KIAA0319: variants seen among roughly 807,000 people sequenced by gnomAD.
KIAA0319 encodes dyslexia-associated protein KIAA0319.
In KIAA0319, 83 loss-of-function variants were observed where a neutral mutation model predicts 108.4. The ratio of observed to expected loss-of-function variants is 0.77; its 90% CI spans 0.64 to 0.92. The LOEUF (loss-of-function observed/expected upper bound fraction) is 0.92. KIAA0319 is among the 40% of genes least tolerant of loss of function. The pLI, the probability that KIAA0319 is intolerant of heterozygous loss-of-function variation, is 0.00. For synonymous variants in KIAA0319, 484 were observed against 510.4 expected (o/e 0.95, Z 0.70); for missense variants, 1,195 against 1,322.4 (o/e 0.90, Z 1.49).
chr6:24,543,360 G>A (rs1323363983), downstream of KIAA0319, among the ~76,000 whole-genome samples: 1 of 152,236 alleles, frequency 6.6e-6, no homozygotes, highest in African/African-American at 2.4e-5. Context: ...TGGTTTCACA[G>A]ATGTGCACAC....
chr6:24,575,152 A>T (rs1054226994), intron 10 of KIAA0319, among the ~76,000 whole-genome samples: 2 of 152,234 alleles, frequency 1.3e-5, no homozygotes, highest in Non-Finnish European at 2.9e-5. Context: ...TCCTTTGGAC[A>T]TCTTAATCAA....
At chr6:24,565,483 G>A (rs952044222) in intron 14 of KIAA0319, among the ~76,000 whole-genome samples, 10 of 151,934 alleles carry the variant, frequency 6.6e-5, no homozygotes, top group African/African-American at 1.5e-4. Flanking sequence ...GGCTGGGCGC[G>A]GTGGCTCACG....
Position 24,576,563 on chromosome 6 carries a change from G to C in KIAA0319, c.1539C>G (p.Asn513Lys), listed in dbSNP as rs1243462387. 1.2e-6 allele frequency: 2 copies of C among 1,614,126 alleles called. No homozygotes were observed. The highest frequency in any genetic ancestry group is 8.5e-7 in the Non-Finnish European group (1 of 1,179,986). ...LTVTDSDGAT[N>K]STTAALIVNN... Reference sequence around the variant, plus strand: ...TCACTATTAGGGCTGCAGTTGTAGAGTTAGTGGCTCCGTCCGAGTCTGTAA... The same window carrying C: ...TCACTATTAGGGCTGCAGTTGTAGACTTAGTGGCTCCGTCCGAGTCTGTAA... The change falls in exon 10 of 21, where the codon AAC (asparagine) becomes AAG (lysine). Residue 513 changes from asparagine (N) to lysine (K), a missense_variant. Coordinates refer to ENST00000378214, the MANE Select transcript of KIAA0319 (RefSeq NM_014809.4).
At chr6:24,642,460 G>C (rs4518486) in intron 1 of KIAA0319, among the ~76,000 whole-genome samples, 2,564 of 152,260 alleles carry the variant, frequency 0.017, 68 homozygotes, top group African/African-American at 0.056. Flanking sequence ...TAGAATAACA[G>C]AACAGGATTG....
In KIAA0319 at chr6:24,633,600, T is replaced by TA. The variant is rs1017558365; in HGVS notation, c.-106+12135dup. ...CATAGTGAGATGCTATTTCTATATTTAAAAAAAAAAATTAGAAGAATGAAT... is the reference window on the plus strand; with the variant it reads ...CATAGTGAGATGCTATTTCTATATTTAAAAAAAAAAAATTAGAAGAATGAAT... On this transcript the variant is annotated intron_variant, in intron 1 of 20. Coordinates refer to ENST00000378214, the MANE Select transcript of KIAA0319 (RefSeq NM_014809.4). Among the ~76,000 whole-genome samples the TA allele has an allele frequency of 1.1e-3, 164 of 147,574 alleles. 1 individual carries two copies. The highest frequency in any genetic ancestry group is 7.7e-3 in the Admixed American group (114 of 14,776).
Position 24,600,646 on chromosome 6 carries a change from T to C in KIAA0319, c.55+403A>G, listed in dbSNP as rs756578611. 53 of 1,534,620 alleles carry C rather than the reference T, an allele frequency of 3.5e-5. No individual in the cohort carries two copies. The African/African-American group carries it at 6.6e-4, about 19-fold the overall frequency. ...GGGCTCGGCCAGCCCAGTCTAGTCA[T>C]GGGTCTTCTTAAATGATGCTCACCA... On this transcript the variant is annotated intron_variant, in intron 2 of 20. Coordinates refer to ENST00000378214, the MANE Select transcript of KIAA0319 (RefSeq NM_014809.4).
chr6:24,606,725 C>T (rs555122856), intron 1 of KIAA0319, among the ~76,000 whole-genome samples: 2 of 152,338 alleles, frequency 1.3e-5, no homozygotes, highest in East Asian at 3.9e-4. Flanking sequence ...CCAACCTCCC[C>T]TCACCCTTTG....
At chr6:24,572,506 A>C in intron 11 of KIAA0319, 69 bp downstream of exon 11, 1 of 1,559,600 alleles carries the variant, frequency 6.4e-7, no homozygotes. Flanking sequence ...TGGCATCTCC[A>C]AACCCCAGAA....
intron 4 of KIAA0319, among the ~76,000 whole-genome samples, chr6:24,588,138 C>T (rs552596650): frequency 2.0e-5 from 3 of 152,344 alleles, no homozygotes; most frequent in South Asian, 4.1e-4. Context: ...ATGGGAAGCA[C>T]TGAGCATATT....
At position 24,563,427 on chromosome 6, in the gene KIAA0319, C is replaced by T; in HGVS notation, c.2523G>A (p.Leu841=). ...AGTCCAGCACGTTCAGCAGCACAGCCAGCTGCCTCACAAGGGTGTCCTTCC... is the reference window on the plus strand; with the variant it reads ...AGTCCAGCACGTTCAGCAGCACAGCTAGCTGCCTCACAAGGGTGTCCTTCC... ...EQRKDTLVRQ[L]AVLLNVLDSD... The change falls in exon 16 of 21, where the codon CTG becomes CTA. Residue 841 remains leucine, a synonymous_variant. Transcript: ENST00000378214. 6.2e-7 allele frequency: 1 copy of T among 1,613,942 alleles called. No individual in the cohort carries two copies. The highest frequency in any genetic ancestry group is 1.3e-5 in the African/African-American group (1 of 75,062).
intron 1 of KIAA0319, among the ~76,000 whole-genome samples, chr6:24,642,700 G>A (rs185420277): frequency 6.7e-6 from 1 of 149,884 alleles, no homozygotes; most frequent in East Asian, 2.0e-4. Flanking sequence ...TTAAATAGAT[G>A]CTTACTATAA....
At chr6:24,603,511 C>T (rs1484629121) in intron 1 of KIAA0319, among the ~76,000 whole-genome samples, 1 of 152,188 alleles carries the variant, frequency 6.6e-6, no homozygotes, top group Non-Finnish European at 1.5e-5. Flanking sequence ...CAGTTCACAC[C>T]AGTCTCTTCC....
intron 14 of KIAA0319, among the ~76,000 whole-genome samples, chr6:24,565,739 T>A (rs1375752244): frequency 8.7e-6 from 1 of 114,850 alleles, no homozygotes; most frequent in Non-Finnish European, 1.6e-5. Flanking sequence ...GGCGATAGAG[T>A]GAGACTCCAT....
chr6:24,584,939 A>G (rs934825170), intron 4 of KIAA0319, among the ~76,000 whole-genome samples: 2 of 152,204 alleles, frequency 1.3e-5, no homozygotes, highest in Non-Finnish European at 2.9e-5. Flanking sequence ...TCCGTATACT[A>G]CACAGCTTCT....
chr6:24,557,872 A>C (rs1375793956), intron 17 of KIAA0319, among the ~76,000 whole-genome samples: 1 of 152,106 alleles, frequency 6.6e-6, no homozygotes, highest in Non-Finnish European at 1.5e-5. Context: ...CTGGGATTAC[A>C]GGCATGTGCT....
intron 13 of KIAA0319, among the ~76,000 whole-genome samples, chr6:24,568,075 T>C (rs1764148306): frequency 6.6e-6 from 1 of 152,186 alleles, no homozygotes; most frequent in Admixed American, 6.5e-5. Flanking sequence ...TCCAAACCCC[T>C]AAGCATGGCC....
chr6:24,580,312 C>G (rs375630176), intron 7 of KIAA0319, among the ~76,000 whole-genome samples: 1 of 136,168 alleles, frequency 7.3e-6, no homozygotes, highest in East Asian at 2.1e-4. Context: ...GAAGGCAACT[C>G]CCCCCCCCAC....
Position 24,576,557 on chromosome 6 carries a change from TG to T in KIAA0319, c.1544del (p.Thr515LysfsTer5), listed in dbSNP as rs780665668. The T allele has an allele frequency of 6.2e-7, 1 of 1,614,088 alleles. No individual in the cohort carries two copies. The highest frequency in any genetic ancestry group is 1.1e-5 in the South Asian group (1 of 91,082). On this transcript the variant is annotated frameshift_variant, in exon 10 of 21. Transcript: ENST00000378214. LOFTEE classifies it high-confidence loss of function. ...CATTGTTCACTATTAGGGCTGCAGT[TG>T]TAGAGTTAGTGGCTCCGTCCGAGTC... Reference protein sequence around the residue: ...VTDSDGATNSTTAALIVNNAV... With the variant: ...VTDSDGATNSXTAALIVNNAV...
chr6:24,554,353 CAA>C (rs1312806877), intron 19 of KIAA0319, among the ~76,000 whole-genome samples, 186 bp downstream of exon 19: 1 of 152,194 alleles, frequency 6.6e-6, no homozygotes, highest in African/African-American at 2.4e-5. Flanking sequence ...CTAGAAAACA[CAA>C]GAGCTGCAAT....
Sources: gnomAD v4.1 joint callset for allele counts (sites outside exome capture counted in the v4.1 genomes callset) on GRCh38, gnomAD v4.1.1 for gene constraint, MANE v1.5 for transcripts, NCBI Gene and HGNC (gene_info 2026-07-23, HGNC 2026-07-21) for gene names.